Variants in SCARB2 observed in about 807,000 individuals in gnomAD.
SCARB2 encodes lysosome membrane protein 2.
SCARB2 carries 29 observed loss-of-function variants against 58.6 expected under a neutral mutation model. The observed-to-expected ratio is 0.49, with a 90% CI of 0.37 to 0.67. SCARB2 has a LOEUF of 0.67. Ranked by LOEUF, SCARB2 falls within the 30% of genes least tolerant of loss-of-function variation. SCARB2 has a pLI of 0.00. For synonymous variants in SCARB2, 195 were observed against 210.1 expected, an observed-to-expected ratio of 0.93 and a Z score of 0.62; for missense variants, 488 against 578.5, an observed-to-expected ratio of 0.84 and a Z score of 1.60.
intron 1 of SCARB2, among the ~76,000 whole-genome samples, chr4:76,228,074 G>C (rs1219328383): frequency 1.5e-5 from 2 of 131,560 alleles, no homozygotes. Flanking sequence ...CATTGTGCTA[G>C]TTGGTGCCTG....
intron 1 of SCARB2, among the ~76,000 whole-genome samples, chr4:76,196,557 A>G (rs538309529): frequency 1.3e-5 from 2 of 151,962 alleles, no homozygotes; most frequent in East Asian, 1.9e-4. Context: ...AGCACCATAC[A>G]CTCCCAGTTT....
At chr4:76,166,346 C>T in intron 9 of SCARB2, 45 bp from the exon 10 acceptor site, 1 of 1,552,624 alleles carries the variant, frequency 6.4e-7, no homozygotes, top group Non-Finnish European at 8.9e-7. Context: ...ATCCTCATCA[C>T]AATGGCACAC....
chr4:76,189,585 T>A (rs1732560464), intron 2 of SCARB2, among the ~76,000 whole-genome samples: 1 of 151,684 alleles, frequency 6.6e-6, no homozygotes, highest in South Asian at 2.1e-4. Flanking sequence ...GGGGTTCAAG[T>A]GATTCTCCTG....
chr4:76,176,675 C>T lies in SCARB2; in HGVS notation c.613-147G>A, dbSNP rs1202620116. On this transcript the variant is annotated intron_variant, in intron 4 of 11. Coordinates refer to ENST00000264896, the MANE Select transcript of SCARB2 (RefSeq NM_005506.4). Reference sequence around the variant, plus strand: ...GTAGGTGTGATTAATATCTACAATCCGTTAACTTTAAGGGAGGTTACCCTC... The same window carrying T: ...GTAGGTGTGATTAATATCTACAATCTGTTAACTTTAAGGGAGGTTACCCTC... 14 of 624,958 alleles carry T rather than the reference C, an allele frequency of 2.2e-5. 1 individual carries two copies. Among genetic ancestry groups the T allele is most frequent in the South Asian group, 5.7e-5 (3 of 52,226 alleles). 38.7% of individuals were successfully genotyped at this position (624,958 alleles called of 1,614,324 possible).
At position 76,166,254 on chromosome 4, in the gene SCARB2, T is replaced by C. The variant is rs771661901; in HGVS notation, c.1235A>G (p.Asn412Ser). Residue 412 changes from asparagine to serine, a missense_variant, in exon 10 of 12, where the codon AAT (asparagine) becomes AGT (serine). Transcript: ENST00000264896. ...RTMVFPVMYL[N>S]ESVHIDKETA... ...TCCCTCCGTCTCAGGACTTACCTCA[T>C]TGAGGTACATCACTGGGAAAACCAT... 11 of 1,613,842 alleles carry C rather than the reference T, an allele frequency of 6.8e-6. No homozygotes were observed. The highest frequency in any genetic ancestry group is 1.7e-4 in the Middle Eastern group (1 of 6,060).
intron 2 of SCARB2, among the ~76,000 whole-genome samples, chr4:76,183,916 T>C (rs930739412): frequency 6.6e-6 from 1 of 152,206 alleles, no homozygotes; most frequent in Non-Finnish European, 1.5e-5. Context: ...AGACTAAATA[T>C]ATATTTCATC....
chr4:76,205,816 A>G (rs954166077), intron 1 of SCARB2, among the ~76,000 whole-genome samples: 53 of 152,338 alleles, frequency 3.5e-4, no homozygotes, highest in African/African-American at 1.2e-3. Flanking sequence ...CTCTCAAGCT[A>G]TCTTTCATTT....
intron 2 of SCARB2, among the ~76,000 whole-genome samples, chr4:76,189,881 CT>C (rs1416135655): frequency 6.6e-6 from 1 of 152,136 alleles, no homozygotes; most frequent in Non-Finnish European, 1.5e-5. Flanking sequence ...AATTACCCCC[CT>C]GGGTCCCTCC....
At chr4:76,233,181 A>G (rs1733522040) in intron 1 of SCARB2, among the ~76,000 whole-genome samples, 1 of 152,224 alleles carries the variant, frequency 6.6e-6, no homozygotes, top group Non-Finnish European at 1.5e-5. Flanking sequence ...TAGAATTTTT[A>G]ACGTTAATTT....
At chr4:76,174,424 G>C in intron 6 of SCARB2, 111 bp from the exon 7 acceptor site, 1 of 913,812 alleles carries the variant, frequency 1.1e-6, no homozygotes, top group East Asian at 2.5e-5. Context: ...AAGCTCACAG[G>C]GTAAGTAGAA....
At chr4:76,197,992 C>G (rs1732749643) in intron 1 of SCARB2, among the ~76,000 whole-genome samples, 2 of 152,146 alleles carry the variant, frequency 1.3e-5, no homozygotes, top group Non-Finnish European at 2.9e-5. Flanking sequence ...AGAGAACTCA[C>G]TTCATCTTGG....
chr4:76,186,507 T>G (rs765865701), intron 2 of SCARB2, among the ~76,000 whole-genome samples: 1 of 151,818 alleles, frequency 6.6e-6, no homozygotes, highest in South Asian at 2.1e-4. Context: ...CCCTTAACTT[T>G]GAGTACGCTG....
chr4:76,186,652 G>A (rs1435318581), intron 2 of SCARB2, among the ~76,000 whole-genome samples: 1 of 152,144 alleles, frequency 6.6e-6, no homozygotes, highest in Non-Finnish European at 1.5e-5. Flanking sequence ...CCTTAAGATG[G>A]AAATATCTCC....
At chr4:76,186,433 G>C (rs1272151187) in intron 2 of SCARB2, among the ~76,000 whole-genome samples, 1 of 151,988 alleles carries the variant, frequency 6.6e-6, no homozygotes, top group African/African-American at 2.4e-5. Context: ...GAAGTCCTAG[G>C]GTGACCACAG....
rs747444083 is a variant in SCARB2 at position 76,175,813 on chromosome 4, C to T, written c.802G>A (p.Val268Ile). 13 of 1,613,890 alleles carry T rather than the reference C, an allele frequency of 8.1e-6. No individual in the cohort carries two copies. Among genetic ancestry groups the T allele is most frequent in the Middle Eastern group, 1.6e-4 (1 of 6,084 alleles). Reference sequence around the variant, plus strand: ...TACCTGCAAAAGTCAGATGGGAAGACATAAAGGACCTCATCTTTGGTTATT... The same window carrying T: ...TACCTGCAAAAGTCAGATGGGAAGATATAAAGGACCTCATCTTTGGTTATT... The part of the protein sequence containing the change: ...PLITKDEVLY[V>I]FPSDFCRSVY... Residue 268 changes from valine (V) to isoleucine (I), a missense_variant, in exon 6 of 12, where the codon GTC becomes ATC. Coordinates refer to ENST00000264896, the MANE Select transcript of SCARB2 (RefSeq NM_005506.4).
chr4:76,192,362 G>A (rs1732623909), intron 2 of SCARB2: 1 of 152,238 alleles, frequency 6.6e-6, no homozygotes, highest in African/African-American at 2.4e-5. Context: ...TGGGACTGGA[G>A]CAAAGTTCAC....
At chr4:76,172,260 T>C (rs1179394387) in intron 7 of SCARB2, among the ~76,000 whole-genome samples, 1 of 150,402 alleles carries the variant, frequency 6.6e-6, no homozygotes, top group Non-Finnish European at 1.5e-5. Flanking sequence ...CAATTTTTTA[T>C]ATATATATAA....
chr4:76,191,300 C>A (rs1006271447), intron 2 of SCARB2, among the ~76,000 whole-genome samples: 1 of 152,200 alleles, frequency 6.6e-6, no homozygotes, highest in Non-Finnish European at 1.5e-5. Flanking sequence ...TACATATTGA[C>A]TTGTACAGAC....
chr4:76,180,936 AT>A lies in SCARB2; in HGVS notation c.423+17del. ...TTCTTCCAAAATCCAACTTAATGGT[AT>A]TAAAATGCCTACTTACCAATACAGG... On this transcript the variant is annotated intron_variant, in intron 3 of 11. Coordinates refer to ENST00000264896, the MANE Select transcript of SCARB2 (RefSeq NM_005506.4). 6.2e-7 allele frequency: 1 copy of A among 1,604,588 alleles called. No individual in the cohort carries two copies. The highest frequency in any genetic ancestry group is 8.5e-7 in the Non-Finnish European group (1 of 1,175,030).
Sources: allele counts gnomAD v4.1 joint callset (sites outside exome capture counted in the v4.1 genomes callset), GRCh38; gene constraint gnomAD v4.1.1; transcripts MANE v1.5; gene names NCBI Gene and HGNC (gene_info 2026-07-23, HGNC 2026-07-21).